The following CLYBL variants were observed in gnomAD, a reference collection of about 807,000 sequenced individuals.
CLYBL encodes citramalyl-CoA lyase, also known as citramalyl-CoA lyase, mitochondrial.
A neutral mutation model predicts 38.9 loss-of-function variants in CLYBL; 31 were observed. That is an observed-to-expected ratio of 0.80 (90% CI 0.60 to 1.08). The LOEUF is 1.08. CLYBL is among the 50% of genes least tolerant of loss of function. The probability of loss-of-function intolerance (pLI) is 0.00; values close to 1 mark genes in which losing one functional copy is unlikely to be tolerated. For missense variants in CLYBL, 434 were observed against 411.6 expected, an observed-to-expected ratio of 1.05 and a Z score of -0.47; for synonymous variants, 171 against 158.6, an observed-to-expected ratio of 1.08 and a Z score of -0.59.
chr13:99,906,478 C>T (rs1215514888), intron 9 of CLYBL, among the ~76,000 whole-genome samples: 1 of 151,870 alleles, frequency 6.6e-6, no homozygotes, highest in East Asian at 1.9e-4. Context: ...CTCGGTCACC[C>T]AGTGGCGCGA....
intron 1 of CLYBL, among the ~76,000 whole-genome samples, chr13:99,756,216 T>G (rs1424787752): frequency 1.3e-5 from 2 of 152,316 alleles, no homozygotes; most frequent in African/African-American, 2.4e-5. Flanking sequence ...ATCTCAAAAT[T>G]ATCATTTGAT....
chr13:99,616,619 C>G (rs1379340452), intron 1 of CLYBL, among the ~76,000 whole-genome samples: 1 of 152,148 alleles, frequency 6.6e-6, no homozygotes, highest in African/African-American at 2.4e-5. Context: ...ACATCCTTCT[C>G]TTAGTTAGGT....
intron 2 of CLYBL, among the ~76,000 whole-genome samples, chr13:99,850,953 A>G (rs936067417): frequency 3.3e-5 from 5 of 152,234 alleles, no homozygotes; most frequent in Non-Finnish European, 7.3e-5. Context: ...CACTCATAGG[A>G]AATATATAGA....
At chr13:99,678,394 C>T (rs951693106) in intron 1 of CLYBL, among the ~76,000 whole-genome samples, 3 of 152,176 alleles carry the variant, frequency 2.0e-5, no homozygotes, top group Non-Finnish European at 1.5e-5. Flanking sequence ...CACTTCTCAC[C>T]ATGCCTTATT....
At chr13:99,847,768 C>T (rs1357035266) in intron 2 of CLYBL, among the ~76,000 whole-genome samples, 1 of 152,190 alleles carries the variant, frequency 6.6e-6, no homozygotes, top group African/African-American at 2.4e-5. Flanking sequence ...GAGCAGGGAC[C>T]CCCAACTTGA....
chr13:99,688,649 G>A (rs986287252), intron 1 of CLYBL, among the ~76,000 whole-genome samples: 1 of 150,196 alleles, frequency 6.7e-6, no homozygotes, highest in Non-Finnish European at 1.5e-5. Context: ...AGAATAACAA[G>A]TGAACTGGAA....
intron 1 of CLYBL, among the ~76,000 whole-genome samples, chr13:99,653,702 T>A (rs945754496): frequency 1.3e-5 from 2 of 152,192 alleles, no homozygotes; most frequent in Admixed American, 1.3e-4. Context: ...GTTATTAACC[T>A]TCTCCTCCAC....
At chr13:99,813,660 G>A (rs1159839422) in intron 2 of CLYBL, among the ~76,000 whole-genome samples, 1 of 152,178 alleles carries the variant, frequency 6.6e-6, no homozygotes, top group African/African-American at 2.4e-5. Flanking sequence ...TCTGTAAAAT[G>A]GGGATAGCGA....
chr13:99,847,455 A>G (rs941123987), intron 2 of CLYBL, among the ~76,000 whole-genome samples: 2 of 152,232 alleles, frequency 1.3e-5, no homozygotes, highest in African/African-American at 2.4e-5. Flanking sequence ...AAACATAAAT[A>G]TAGCGAGTTA....
At chr13:99,710,963 C>T (rs533792763) in intron 1 of CLYBL, among the ~76,000 whole-genome samples, 2 of 144,650 alleles carry the variant, frequency 1.4e-5, no homozygotes, top group East Asian at 4.2e-4. Flanking sequence ...TCTCGGCTCA[C>T]TGCAACCTCC....
At chr13:99,862,841 C>G in intron 3 of CLYBL, 150 bp from the exon 4 acceptor site, 1 of 434,630 alleles carries the variant, frequency 2.3e-6, no homozygotes, top group African/African-American at 2.0e-5. Flanking sequence ...GGACTTTCTT[C>G]TTATTTTTTT....
intron 2 of CLYBL, among the ~76,000 whole-genome samples, chr13:99,796,759 C>T (rs2050029833): frequency 6.6e-6 from 1 of 152,316 alleles, no homozygotes; most frequent in South Asian, 2.1e-4. Flanking sequence ...TTCCCCATCT[C>T]AAGTTGCCAG....
chr13:99,741,419 C>A (rs919763488), intron 1 of CLYBL, among the ~76,000 whole-genome samples: 2 of 152,240 alleles, frequency 1.3e-5, no homozygotes, highest in African/African-American at 4.8e-5. Flanking sequence ...TTTGGCACGG[C>A]AGACCCCAAC....
intron 1 of CLYBL, among the ~76,000 whole-genome samples, chr13:99,697,138 A>G (rs1420641995): frequency 6.6e-6 from 1 of 152,176 alleles, no homozygotes. Context: ...CATGGGATGT[A>G]GATGTGGATT....
At chr13:99,658,332 C>T (rs921360886) in intron 1 of CLYBL, among the ~76,000 whole-genome samples, 3 of 152,264 alleles carry the variant, frequency 2.0e-5, no homozygotes, top group African/African-American at 7.2e-5. Context: ...ACCTTCAGCG[C>T]TCCTCCCACT....
chr13:99,813,289 C>T (rs1033614316), intron 2 of CLYBL, among the ~76,000 whole-genome samples: 12 of 152,298 alleles, frequency 7.9e-5, no homozygotes, highest in African/African-American at 2.9e-4. Flanking sequence ...ATATCATTTG[C>T]ATCTGACATT....
intron 2 of CLYBL, among the ~76,000 whole-genome samples, chr13:99,851,249 C>T (rs959221312): frequency 1.3e-5 from 2 of 151,676 alleles, no homozygotes; most frequent in African/African-American, 4.8e-5. Context: ...TGCCTGTAAT[C>T]CCAGCTACTC....
chr13:99,813,196 T>C (rs1051261486), intron 2 of CLYBL, among the ~76,000 whole-genome samples: 1 of 152,226 alleles, frequency 6.6e-6, no homozygotes, highest in African/African-American at 2.4e-5. Flanking sequence ...CAAATGATCC[T>C]GACCTTAATG....
chr13:99,744,740 G>T (rs532661895), intron 1 of CLYBL, among the ~76,000 whole-genome samples: 5 of 152,320 alleles, frequency 3.3e-5, no homozygotes, highest in African/African-American at 1.2e-4. Flanking sequence ...GCAAGGGAAA[G>T]AGAAGATATG....
Sources: gnomAD v4.1 joint callset for allele counts (sites outside exome capture counted in the v4.1 genomes callset) on GRCh38, gnomAD v4.1.1 for gene constraint, MANE v1.5 for transcripts, NCBI Gene and HGNC (gene_info 2026-07-23, HGNC 2026-07-21) for gene names.